HDAC4: variants seen among roughly 807,000 people sequenced by gnomAD.
HDAC4 encodes the protein histone deacetylase A.
Under a neutral mutation model 135.1 loss-of-function variants are expected in HDAC4, and 16 were observed. That is an observed-to-expected ratio of 0.12 (90% confidence interval 0.08 to 0.18). The LOEUF is 0.18. HDAC4 is among the 10% of genes least tolerant of loss of function. The pLI is 1.00. For missense variants in HDAC4, 1,143 were observed against 1,511.8 expected, an observed-to-expected ratio of 0.76 and a Z score of 4.05; for synonymous variants, 685 against 653.4, an observed-to-expected ratio of 1.05 and a Z score of -0.74.
In HDAC4 at chr2:239,190,640, G is replaced by A. The variant is rs1463902867; in HGVS notation, c.95-563C>T. ...AGCCCGTTTCCATGGTGAGACAAGC[G>A]CCCCCTTGGAAAACATGTTTACCAG... On this transcript the variant is annotated intron_variant, in intron 3 of 26. Transcript: ENST00000543185. Among the ~76,000 whole-genome samples, 5 of 152,226 alleles carry A rather than the reference G, an allele frequency of 3.3e-5. No homozygotes were observed. In the East Asian group the frequency reaches 5.8e-4, roughly 18 times the overall value.
intron 22 of HDAC4, among the ~76,000 whole-genome samples, chr2:239,078,380 G>A (rs917823856): frequency 6.7e-6 from 1 of 148,676 alleles, no homozygotes; most frequent in Non-Finnish European, 1.5e-5. Context: ...ACAAGGTGCT[G>A]CCTGGAAGGC....
intron 2 of HDAC4, among the ~76,000 whole-genome samples, chr2:239,329,141 C>T (rs531118433): frequency 6.6e-6 from 1 of 152,054 alleles, no homozygotes; most frequent in Non-Finnish European, 1.5e-5. Flanking sequence ...GCCAACCCCC[C>T]ACATCCCCCC....
rs1693254338 is a variant in HDAC4 at position 239,352,883 on chromosome 2, T to C, written c.-184A>G. 1 of 668,074 alleles carries C rather than the reference T, an allele frequency of 1.5e-6. No homozygotes were observed. Among genetic ancestry groups the C allele is most frequent in the Non-Finnish European group, 2.7e-6 (1 of 370,028 alleles). The allele number at this position is 668,074 out of a possible 1,614,324, so 41.4% of individuals were successfully genotyped here. On this transcript the variant is annotated 5_prime_UTR_variant, in exon 2 of 27. Coordinates refer to ENST00000543185, the MANE Select transcript of HDAC4 (RefSeq NM_001378414.1). The surrounding 1 kb of genome is among the most constrained non-coding windows in gnomAD (Gnocchi z 4.4). The stretch of plus-strand genomic sequence containing the variant: ...TCTCATGAGCCAGGTAACCCACAAG[T>C]TGAACAGAGGCGTCCGCTGGCTTCT...
chr2:239,062,966 A>C (rs1432730557), intron 24 of HDAC4, among the ~76,000 whole-genome samples: 3 of 152,046 alleles, frequency 2.0e-5, no homozygotes, highest in Non-Finnish European at 4.4e-5. Flanking sequence ...TGCAGGTCCC[A>C]AGGGGCTCCC....
At position 239,109,818 on chromosome 2, in the gene HDAC4, G is replaced by A. The variant is rs1350052656; in HGVS notation, c.1979-1635C>T. Among the ~76,000 whole-genome samples, 9 of 152,318 alleles carry A rather than the reference G, an allele frequency of 5.9e-5. No homozygotes were observed. The South Asian group carries it at 1.7e-3, about 28-fold the overall frequency. On this transcript the variant is annotated intron_variant, in intron 14 of 26. Transcript: ENST00000543185. The stretch of plus-strand genomic sequence containing the variant: ...GTTGCTCACGGATACAAGGAATGGG[G>A]ACTGCCCCTACAGTGGAATCATCAT...
At chr2:239,157,650 C>T (rs1575224835) in intron 6 of HDAC4, among the ~76,000 whole-genome samples, 1 of 152,338 alleles carries the variant, frequency 6.6e-6, no homozygotes, top group African/African-American at 2.4e-5. Context: ...AGTCTTTAAA[C>T]TGCGTAATCT....
intron 25 of HDAC4, 84 bp downstream of exon 25, chr2:239,054,665 G>A: frequency 1.1e-6 from 1 of 875,090 alleles, no homozygotes; most frequent in South Asian, 1.3e-5. Flanking sequence ...GAAGAGCTGG[G>A]GGTATAGGGG....
chr2:239,150,898 C>G (rs1435572549), intron 7 of HDAC4, among the ~76,000 whole-genome samples: 1 of 151,126 alleles, frequency 6.6e-6, no homozygotes, highest in African/African-American at 2.5e-5. Context: ...CCTTCACATA[C>G]AGCAGCAGGA....
Position 239,255,446 on chromosome 2 carries a change from G to A in HDAC4, c.23-18782C>T, listed in dbSNP as rs141521158. Among the ~76,000 whole-genome samples, 297 of 152,204 alleles carry A rather than the reference G, an allele frequency of 2.0e-3. 2 individuals are homozygous for A. Among genetic ancestry groups the A allele is most frequent in the African/African-American group, 6.9e-3 (288 of 41,504 alleles). ...AGAAACTCAGAGCCAATTATGCAGG[G>A]TTTATGACCTGCATCTCCGGGCTCT... On this transcript the variant is annotated intron_variant, in intron 2 of 26. Transcript: ENST00000543185.
In HDAC4 at chr2:239,157,002, T is replaced by C. The variant is rs1013406788; in HGVS notation, c.612-229A>G. 2.6e-5 allele frequency among the ~76,000 whole-genome samples: 4 copies of C among 152,090 alleles called. 1 individual carries two copies. Among genetic ancestry groups the C allele is most frequent in the African/African-American group, 9.7e-5 (4 of 41,408 alleles). On this transcript the variant is annotated intron_variant, in intron 6 of 26. Transcript: ENST00000543185. The stretch of plus-strand genomic sequence containing the variant: ...CCTCCTCTGCGGGACCAGCAGTGCT[T>C]GGGGATGGGATGGGCAGCACCTCTG...
intron 5 of HDAC4, among the ~76,000 whole-genome samples, chr2:239,172,578 T>C (rs1331270775): frequency 6.6e-6 from 1 of 152,016 alleles, no homozygotes; most frequent in East Asian, 1.9e-4. Flanking sequence ...ATGCTCTATG[T>C]ATCTATATCA....
intron 2 of HDAC4, among the ~76,000 whole-genome samples, chr2:239,332,419 T>A (rs1177379782): frequency 6.6e-6 from 1 of 151,746 alleles, no homozygotes; most frequent in Non-Finnish European, 1.5e-5. Flanking sequence ...AAACTAGAAA[T>A]CAATAACAAA....
intron 2 of HDAC4, among the ~76,000 whole-genome samples, chr2:239,325,266 C>T (rs1330303381): frequency 6.6e-6 from 1 of 152,178 alleles, no homozygotes; most frequent in Non-Finnish European, 1.5e-5. Flanking sequence ...AACTTCTGTG[C>T]ACCACAGGAC....
chr2:239,256,612 T>C (rs1228905518), intron 2 of HDAC4, among the ~76,000 whole-genome samples: 2 of 152,266 alleles, frequency 1.3e-5, no homozygotes, highest in East Asian at 3.8e-4. Flanking sequence ...GATACTGTTC[T>C]GTGTCTGCCC....
At chr2:239,321,151 C>A (rs1459457740) in intron 2 of HDAC4, among the ~76,000 whole-genome samples, 1 of 152,076 alleles carries the variant, frequency 6.6e-6, no homozygotes, top group Non-Finnish European at 1.5e-5. Flanking sequence ...GTTCTAAAAT[C>A]AAGATACTCT....
At chr2:239,384,760 CCT>C (rs1280990231) in intron 1 of HDAC4, among the ~76,000 whole-genome samples, 1 of 152,184 alleles carries the variant, frequency 6.6e-6, no homozygotes, top group Non-Finnish European at 1.5e-5. Flanking sequence ...GGCTCTGTCC[CCT>C]GCTTCTGATC....
At chr2:239,150,088 C>A (rs1217331179) in intron 7 of HDAC4, among the ~76,000 whole-genome samples, 1 of 151,844 alleles carries the variant, frequency 6.6e-6, no homozygotes, top group Non-Finnish European at 1.5e-5. Context: ...GAGCTTCATA[C>A]GTAAAAATGG....
chr2:239,325,356 C>T (rs1344291681), intron 2 of HDAC4, among the ~76,000 whole-genome samples: 2 of 152,006 alleles, frequency 1.3e-5, no homozygotes, highest in Admixed American at 1.3e-4. Flanking sequence ...TATGAAGTAC[C>T]CCTACAACAC....
intron 1 of HDAC4, among the ~76,000 whole-genome samples, chr2:239,359,982 C>T (rs1693753651): frequency 6.6e-6 from 1 of 152,138 alleles, no homozygotes; most frequent in South Asian, 2.1e-4. Context: ...CCAAGGTACA[C>T]CTGTTAGGAG....
Sources: gnomAD v4.1 joint callset for allele counts (sites outside exome capture counted in the v4.1 genomes callset) on GRCh38, gnomAD v4.1.1 for gene constraint, Gnocchi (gnomAD v3.1) non-coding constraint, MANE v1.5 for transcripts, NCBI Gene and HGNC (gene_info 2026-07-23, HGNC 2026-07-21) for gene names.